ACTRT1: variants seen among roughly 807,000 people sequenced by gnomAD.
ACTRT1 encodes the protein actin-related protein T1.
A neutral mutation model predicts 1.4 loss-of-function variants in ACTRT1; 1 was observed. The observed-to-expected ratio is 0.69, with a 90% CI of 0.25 to 3.28. The LOEUF is 3.28. ACTRT1 is among the 30% of genes most tolerant of loss of function. ACTRT1 has a pLI of 0.20. For missense variants in ACTRT1, 334 were observed against 291.5 expected (o/e 1.15, Z -1.06); for synonymous variants, 121 against 115.2 (o/e 1.05, Z -0.32).
At position 128,051,821 on chromosome X, in the gene ACTRT1, G is replaced by T; in HGVS notation, c.386C>A (p.Thr129Asn). 1 of 1,211,480 alleles carries T rather than the reference G, an allele frequency of 8.3e-7. No homozygotes were observed. The change falls in exon 1 of 1, where the codon ACC becomes AAC. Residue 129 changes from threonine (T) to asparagine (N), a missense_variant. Coordinates refer to ENST00000371124, the MANE Select transcript of ACTRT1 (RefSeq NM_138289.4). ...CAGGTAGAAACCAGGCACACTGAAG[G>T]TCTCAAACATCATTTCTGCTAGCTT... ...REKLAEMMFE[T>N]FSVPGFYLSN... is the part of the protein sequence containing the mutation.
Position 128,051,984 on chromosome X carries a change from C to A in ACTRT1, c.223G>T (p.Glu75Ter). ...YEALHLHYPI[E>*]RGLVTGWDDM... ...TCCCATCCTGTTACCAGTCCACGCTCAATGGGGTAGTGCAAATGTAGGGCC... is the reference window on the plus strand; with the variant it reads ...TCCCATCCTGTTACCAGTCCACGCTAAATGGGGTAGTGCAAATGTAGGGCC... The change falls in exon 1 of 1, where the codon GAG (glutamate) becomes TAG (stop). Residue 75 changes from glutamate (E) to a stop codon, truncating the protein, a stop_gained. Coordinates refer to ENST00000371124, the MANE Select transcript of ACTRT1 (RefSeq NM_138289.4). LOFTEE classifies it low-confidence loss of function (END_TRUNC). 3.3e-6 allele frequency: 4 copies of A among 1,211,705 alleles called. No homozygotes were observed. Among genetic ancestry groups the A allele is most frequent in the Non-Finnish European group, 4.5e-6 (4 of 895,514 alleles).
At position 128,051,197 on chromosome X, in the gene ACTRT1, C is replaced by A. The variant is rs1927754216; in HGVS notation, c.1010G>T (p.Cys337Phe). The A allele has an allele frequency of 3.3e-6, 4 of 1,207,953 alleles. No homozygotes were observed. Among genetic ancestry groups the A allele is most frequent in the African/African-American group, 1.8e-5 (1 of 56,511 alleles). Residue 337 changes from cysteine (C) to phenylalanine (F), a missense_variant, in exon 1 of 1, where the codon TGC (cysteine) becomes TTC (phenylalanine). Cys to Phe is a radical substitution (Grantham distance 205). Coordinates refer to ENST00000371124, the MANE Select transcript of ACTRT1 (RefSeq NM_138289.4). The stretch of plus-strand genomic sequence containing the variant: ...GGATGCACCAATCCATGCAGAGAAG[C>A]ATCTATCAGGAGAAGCTGTGATCTT... ...PIKITASPDR[C>F]FSAWIGASIM...
chrX:128,051,434 A>G lies in ACTRT1; in HGVS notation c.773T>C (p.Val258Ala). The G allele has an allele frequency of 2.5e-6, 3 of 1,211,073 alleles. No individual in the cohort carries two copies. The highest frequency in any genetic ancestry group is 3.5e-5 in the African/African-American group (2 of 57,626). ...VIHFGDELYQ[V>A]PEVLFAPDQL... The stretch of plus-strand genomic sequence containing the variant: ...GTCAGGTGCAAAAAGAACCTCGGGC[A>G]CTTGGTACAGCTCATCCCCAAAGTG... Residue 258 changes from valine to alanine, a missense_variant, in exon 1 of 1, where the codon GTG (valine) becomes GCG (alanine). Transcript: ENST00000371124.
Position 128,052,132 on chromosome X carries a change from C to G in ACTRT1, c.75G>C (p.Leu25=). 8.3e-7 allele frequency: 1 copy of G among 1,211,619 alleles called. No homozygotes were observed. ...DNGSGLCKAG[L]SGEIGPRHVI... is the part of the protein sequence containing the mutation. ...CATGGCGGGGTCCAATCTCTCCAGA[C>G]AGGCCTGCTTTGCAGAGTCCTGAAC... Residue 25 remains leucine (L), a synonymous_variant, in exon 1 of 1, where the codon CTG becomes CTC. Coordinates refer to ENST00000371124, the MANE Select transcript of ACTRT1 (RefSeq NM_138289.4).
At position 128,051,173 on chromosome X, in the gene ACTRT1, G is replaced by T. The variant is rs779755058; in HGVS notation, c.1034C>A (p.Ser345Tyr). The T allele has an allele frequency of 8.3e-7, 1 of 1,210,290 alleles. No individual in the cohort carries two copies. Among genetic ancestry groups the T allele is most frequent in the East Asian group, 3.0e-5 (1 of 33,662 alleles). Residue 345 changes from serine to tyrosine, a missense_variant, in exon 1 of 1, where the codon TCC becomes TAC. Ser to Tyr is a moderately radical substitution (Grantham distance 144). Transcript: ENST00000371124. ...GAAACTGCTCATAGAGGTCATGATG[G>T]ATGCACCAATCCATGCAGAGAAGCA... ...DRCFSAWIGASIMTSMSSFKQ... is the reference protein window; with the variant it reads ...DRCFSAWIGAYIMTSMSSFKQ...
At position 128,051,640 on chromosome X, in the gene ACTRT1, T is replaced by C; in HGVS notation, c.567A>G (p.Thr189=). 8.3e-7 allele frequency: 1 copy of C among 1,211,266 alleles called. No homozygotes were observed. Residue 189 remains threonine, a synonymous_variant, in exon 1 of 1, where the codon ACA becomes ACG. Transcript: ENST00000371124. The part of the protein sequence containing the change: ...TKLCMAGRDI[T]EHLTRLLFAS... ...CAAAGAGGAGCCGGGTGAGGTGCTC[T>C]GTGATGTCCCTCCCTGCCATACAGA...
chrX:128,051,213 C>G lies in ACTRT1; in HGVS notation c.994G>C (p.Ala332Pro). The change falls in exon 1 of 1, where the codon GCT becomes CCT. Residue 332 changes from alanine to proline, a missense_variant. By Grantham distance (27) the Ala-to-Pro change is conservative. Coordinates refer to ENST00000371124, the MANE Select transcript of ACTRT1 (RefSeq NM_138289.4). The stretch of plus-strand genomic sequence containing the variant: ...GCAGAGAAGCATCTATCAGGAGAAG[C>G]TGTGATCTTGATGGGAGTACCTTTG... Reference protein sequence around the residue: ...ASKGTPIKITASPDRCFSAWI... With the variant: ...ASKGTPIKITPSPDRCFSAWI... The G allele has an allele frequency of 8.3e-7, 1 of 1,210,854 alleles. No homozygotes were observed. The highest frequency in any genetic ancestry group is 1.1e-6 in the Non-Finnish European group (1 of 895,375).
rs373832447 is a variant in ACTRT1 at position 128,051,776 on chromosome X, G to A, written c.431C>T (p.Ala144Val). The A allele has an allele frequency of 2.6e-5, 31 of 1,208,577 alleles. 1 individual carries two copies. Among genetic ancestry groups the A allele is most frequent in the South Asian group, 1.4e-4 (8 of 56,710 alleles). ...TGTGACACAGGCAGAGGCATAGAGC[G>A]CTGCCACCGCATGATTAGACAGGTA... ...GFYLSNHAVA[A>V]LYASACVTGL... Residue 144 changes from alanine (A) to valine (V), a missense_variant, in exon 1 of 1, where the codon GCG becomes GTG. Coordinates refer to ENST00000371124, the MANE Select transcript of ACTRT1 (RefSeq NM_138289.4).
rs1927746624 is a variant in ACTRT1 at position 128,051,000 on chromosome X, C to T, written c.*76G>A. ...ACTTTTATTGAACATCATGCTGAAG[C>T]CCAGAAGAAAATGCCATCTCCCACT... On this transcript the variant is annotated 3_prime_UTR_variant, in exon 1 of 1. Transcript: ENST00000371124. 1 of 1,091,647 alleles carries T rather than the reference C, an allele frequency of 9.2e-7. No individual in the cohort carries two copies. The highest frequency in any genetic ancestry group is 2.2e-5 in the South Asian group (1 of 46,000). The allele number at this position is 1,091,647 out of a possible 1,213,427, so 90.0% of individuals were successfully genotyped here.
Position 128,052,135 on chromosome X carries a change from G to A in ACTRT1, c.72C>T (p.Gly24=), listed in dbSNP as rs1016188894. The change falls in exon 1 of 1, where the codon GGC becomes GGT. Residue 24 remains glycine, a synonymous_variant. Transcript: ENST00000371124. ...GGCGGGGTCCAATCTCTCCAGACAG[G>A]CCTGCTTTGCAGAGTCCTGAACCAT... ...FDNGSGLCKA[G]LSGEIGPRHV... 2.5e-6 allele frequency: 3 copies of A among 1,209,761 alleles called. No homozygotes were observed. The highest frequency in any genetic ancestry group is 3.4e-6 in the Non-Finnish European group (3 of 895,032).
In ACTRT1 at chrX:128,052,282, C is replaced by G. The variant is rs913908517; in HGVS notation, c.-76G>C. 7 of 1,084,274 alleles carry G rather than the reference C, an allele frequency of 6.5e-6. No individual in the cohort carries two copies. In the Admixed American group the frequency reaches 2.1e-4, roughly 33 times the overall value. 89.4% of individuals were successfully genotyped at this position (1,084,274 alleles called of 1,213,427 possible). ...CGTCACTCTCTGAGATGACAGGCAC[C>G]TTTAGAATTTTTTAAACTTCAGGGT... On this transcript the variant is annotated 5_prime_UTR_variant, in exon 1 of 1. Coordinates refer to ENST00000371124, the MANE Select transcript of ACTRT1 (RefSeq NM_138289.4).
rs769887190 is a variant in ACTRT1 at position 128,051,159 on chromosome X, T to G, written c.1048A>C (p.Met350Leu). 1.7e-6 allele frequency: 2 copies of G among 1,209,818 alleles called. No homozygotes were observed. The highest frequency in any genetic ancestry group is 3.5e-5 in the South Asian group (2 of 56,796). ...AWIGASIMTS[M>L]SSFKQMWVTS... ...ACCCACATCTGCTTGAAACTGCTCA[T>G]AGAGGTCATGATGGATGCACCAATC... Residue 350 changes from methionine to leucine, a missense_variant, in exon 1 of 1, where the codon ATG becomes CTG. Transcript: ENST00000371124.
In ACTRT1 at chrX:128,052,185, C is replaced by T. The variant is rs765265009; in HGVS notation, c.22G>A (p.Asp8Asn). 2 of 1,201,211 alleles carry T rather than the reference C, an allele frequency of 1.7e-6. No homozygotes were observed. Among genetic ancestry groups the T allele is most frequent in the Non-Finnish European group, 2.2e-6 (2 of 889,857 alleles). MFNPHAL[D>N]VPAVIFDNGS... ...TTGTCAAAAATTACAGCAGGAACATCTAATGCATGTGGATTAAACATGTCT... is the reference window on the plus strand; with the variant it reads ...TTGTCAAAAATTACAGCAGGAACATTTAATGCATGTGGATTAAACATGTCT... The change falls in exon 1 of 1, where the codon GAT becomes AAT. Residue 8 changes from aspartate (D) to asparagine (N), a missense_variant. Asp to Asn is a conservative substitution (Grantham distance 23). Transcript: ENST00000371124.
rs1478191617 is a variant in ACTRT1 at position 128,052,313 on chromosome X, A to T, written c.-107T>A. 4.3e-6 allele frequency: 4 copies of T among 929,366 alleles called. No homozygotes were observed. In the East Asian group the frequency reaches 1.3e-4, roughly 29 times the overall value. The allele number at this position is 929,366 out of a possible 1,213,427, so 76.6% of individuals were successfully genotyped here. On this transcript the variant is annotated 5_prime_UTR_variant, in exon 1 of 1. Coordinates refer to ENST00000371124, the MANE Select transcript of ACTRT1 (RefSeq NM_138289.4). ...AATTTTTTAAACTTCAGGGTTCTGA[A>T]GTTTCAAGTTGTCACCCATGTACAG...
Position 128,052,211 on chromosome X carries a change from G to A in ACTRT1, c.-5C>T, listed in dbSNP as rs181558400. On this transcript the variant is annotated 5_prime_UTR_variant, in exon 1 of 1. Coordinates refer to ENST00000371124, the MANE Select transcript of ACTRT1 (RefSeq NM_138289.4). ...TAATGCATGTGGATTAAACATGTCT[G>A]TAATATGTTCTCCTGGACTTCCCCC... is the stretch of plus-strand genomic sequence containing the variant. 6.1e-5 allele frequency: 72 copies of A among 1,171,968 alleles called. No individual in the cohort carries two copies. The Middle Eastern group carries it at 1.9e-3, about 31-fold the overall frequency.
chrX:128,051,193 G>A lies in ACTRT1; in HGVS notation c.1014C>T (p.Phe338=). 6 of 1,210,784 alleles carry A rather than the reference G, an allele frequency of 5.0e-6. No individual in the cohort carries two copies. Among genetic ancestry groups the A allele is most frequent in the Non-Finnish European group, 6.7e-6 (6 of 895,362 alleles). ...TGATGGATGCACCAATCCATGCAGA[G>A]AAGCATCTATCAGGAGAAGCTGTGA... ...IKITASPDRC[F]SAWIGASIMT... Residue 338 remains phenylalanine, a synonymous_variant, in exon 1 of 1, where the codon TTC becomes TTT. Coordinates refer to ENST00000371124, the MANE Select transcript of ACTRT1 (RefSeq NM_138289.4).
chrX:128,051,723 C>T lies in ACTRT1; in HGVS notation c.484G>A (p.Val162Ile). The T allele has an allele frequency of 8.3e-7, 1 of 1,211,221 alleles. No individual in the cohort carries two copies. ...TCAAAGATGGGGACAGTGCAAGTGA[C>T]CCCATCTCCACTGTCCACCACCAGG... ...TGLVVDSGDG[V>I]TCTVPIFEGY... Residue 162 changes from valine (V) to isoleucine (I), a missense_variant, in exon 1 of 1, where the codon GTC becomes ATC. By Grantham distance (29) the Val-to-Ile change is conservative. Coordinates refer to ENST00000371124, the MANE Select transcript of ACTRT1 (RefSeq NM_138289.4).
In ACTRT1 at chrX:128,052,013, T is replaced by A; in HGVS notation, c.194A>T (p.Tyr65Phe). The A allele has an allele frequency of 2.5e-6, 3 of 1,211,652 alleles. No homozygotes were observed. The highest frequency in any genetic ancestry group is 3.4e-6 in the Non-Finnish European group (3 of 895,480). Residue 65 changes from tyrosine (Y) to phenylalanine (F), a missense_variant, in exon 1 of 1, where the codon TAT becomes TTT. Tyr to Phe is a conservative substitution (Grantham distance 22, BLOSUM62 3). Transcript: ENST00000371124. ...YFVGQEALYK[Y>F]EALHLHYPIE... ...GGGGTAGTGCAAATGTAGGGCCTCA[T>A]ACTTGTACAGGGCTTCTTGCCCCAC...
rs773381187 is a variant in ACTRT1, at chrX:128,052,075, G to T, written c.132C>A (p.Phe44Leu). 1 of 1,211,654 alleles carries T rather than the reference G, an allele frequency of 8.3e-7. No individual in the cohort carries two copies. The change falls in exon 1 of 1, where the codon TTC (phenylalanine) becomes TTA (leucine). Residue 44 changes from phenylalanine to leucine, a missense_variant. Phe to Leu is a conservative substitution (Grantham distance 22). Coordinates refer to ENST00000371124, the MANE Select transcript of ACTRT1 (RefSeq NM_138289.4). ...VISSVLGHCK[F>L]NVPLARLNQK... ...GATTAAGTCTTGCTAAAGGCACATT[G>T]AATTTACAATGTCCCAAGACGGAGC...
Sources: gnomAD v4.1 joint callset for allele counts on GRCh38, gnomAD v4.1.1 for gene constraint, MANE v1.5 for transcripts, NCBI Gene and HGNC (gene_info 2026-07-23, HGNC 2026-07-21) for gene names.